ZFYVE27: variants seen among roughly 807,000 people sequenced by gnomAD.
ZFYVE27 encodes zinc finger FYVE-type containing 27.
A neutral mutation model predicts 52.8 loss-of-function variants in ZFYVE27; 36 were observed. The ratio of observed to expected loss-of-function variants is 0.68; its 90% CI spans 0.52 to 0.90. The LOEUF (loss-of-function observed/expected upper bound fraction) is 0.90. Ranked by LOEUF, ZFYVE27 falls within the 40% of genes least tolerant of loss-of-function variation. The probability of loss-of-function intolerance (pLI) is 0.00; values close to 1 mark genes in which losing one functional copy is unlikely to be tolerated. For missense variants in ZFYVE27, 450 were observed against 527.2 expected (o/e 0.85, Z 1.43); for synonymous variants, 223 against 215.6 (o/e 1.03, Z -0.30).
At chr10:97,746,044 TATA>T (rs1218496176) in intron 4 of ZFYVE27, among the ~76,000 whole-genome samples, 122 of 56,936 alleles carry the variant, frequency 2.1e-3, no homozygotes, top group Admixed American at 2.8e-3. Context: ...TATATATATA[TATA>T]TATATTTTTT....
At position 97,748,373 on chromosome 10, in the gene ZFYVE27, C is replaced by A. The variant is rs1483780304; in HGVS notation, c.551+9C>A. 1 of 1,613,008 alleles carries A rather than the reference C, an allele frequency of 6.2e-7. No homozygotes were observed. Among genetic ancestry groups the A allele is most frequent in the Non-Finnish European group, 8.5e-7 (1 of 1,179,566 alleles). On this transcript the variant is annotated intron_variant, in intron 5 of 12. Transcript: ENST00000684270. ...CCCGTCGTGTCCTCACAGTGAGTGA[C>A]CCCTCCTCTCCCGCCACCACCCTAT...
At chr10:97,756,890 A>C (rs72835983) in intron 10 of ZFYVE27, among the ~76,000 whole-genome samples, 9,233 of 152,200 alleles carry the variant, frequency 0.061, 384 homozygotes, top group Non-Finnish European at 0.089. Flanking sequence ...TTGCTCCGGA[A>C]AGGGTCATGT....
chr10:97,744,083 T>C (rs1219179138), intron 3 of ZFYVE27, among the ~76,000 whole-genome samples: 1 of 152,258 alleles, frequency 6.6e-6, no homozygotes, highest in Non-Finnish European at 1.5e-5. Context: ...GTTGGACTCA[T>C]CTTTACCTGT....
rs12264401 is a variant in ZFYVE27, at chr10:97,748,257, C to T, written c.456-12C>T. ...CTGTCCTGCCCACTCACCAAAGCCCCTGTGTCTGTAGCTTGATCCAGCTGG... is the reference window on the plus strand; with the variant it reads ...CTGTCCTGCCCACTCACCAAAGCCCTTGTGTCTGTAGCTTGATCCAGCTGG... On this transcript the variant is annotated splice_polypyrimidine_tract_variant and intron_variant, in intron 4 of 12. Transcript: ENST00000684270. 9.7e-3 allele frequency: 15,606 copies of T among 1,613,806 alleles called. 859 individuals carry two copies. The African/African-American group carries it at 0.14, about 15-fold the overall frequency.
Position 97,748,336 on chromosome 10 carries a change from C to T in ZFYVE27, c.523C>T (p.His175Tyr), listed in dbSNP as rs2046005663. 3 of 1,614,072 alleles carry T rather than the reference C, an allele frequency of 1.9e-6. No individual in the cohort carries two copies. The change falls in exon 5 of 13, where the codon CAC becomes TAC. Residue 175 changes from histidine to tyrosine, a missense_variant. Coordinates refer to ENST00000684270, the MANE Select transcript of ZFYVE27 (RefSeq NM_001385875.1). ...ATGTGAAGCCGCCTACCGCGTGCTG[C>T]ACTGGGAGAACCCCGTCGTGTCCTC... ...CTCEAAYRVLHWENPVVSSQF... is the reference protein window; with the variant it reads ...CTCEAAYRVLYWENPVVSSQF...
At chr10:97,751,935 A>G (rs1308785683) in intron 8 of ZFYVE27, among the ~76,000 whole-genome samples, 1 of 152,226 alleles carries the variant, frequency 6.6e-6, no homozygotes, top group Non-Finnish European at 1.5e-5. Flanking sequence ...TGGTAATTCA[A>G]ATTGGTAGTT....
rs960747062 is a variant in ZFYVE27 at position 97,750,409 on chromosome 10, C to T, written c.743C>T (p.Pro248Leu). Residue 248 changes from proline (P) to leucine (L), a missense_variant, in exon 7 of 13, where the codon CCA (proline) becomes CTA (leucine). Pro to Leu is a moderately conservative substitution (Grantham distance 98). Transcript: ENST00000684270. ...QEEHAFESPPPPDVGGKDGLM... is the reference protein window; with the variant it reads ...QEEHAFESPPLPDVGGKDGLM... The stretch of plus-strand genomic sequence containing the variant: ...GAGCATGCCTTTGAGAGTCCTCCAC[C>T]ACCAGATGTTGGGGGGAAGGATGGT... 6.2e-7 allele frequency: 1 copy of T among 1,614,168 alleles called. No homozygotes were observed. The highest frequency in any genetic ancestry group is 8.5e-7 in the Non-Finnish European group (1 of 1,180,030).
intron 10 of ZFYVE27, among the ~76,000 whole-genome samples, chr10:97,754,172 C>G (rs2047731064): frequency 6.6e-6 from 1 of 152,112 alleles, no homozygotes; most frequent in Non-Finnish European, 1.5e-5. Flanking sequence ...TGGAGTTTAT[C>G]TTGAGGAATT....
At chr10:97,752,986 G>C (rs1349727380) in intron 9 of ZFYVE27, 52 bp from the exon 10 acceptor site, 81 of 1,612,938 alleles carry the variant, frequency 5.0e-5, no homozygotes, top group Non-Finnish European at 5.3e-5. Context: ...CTGCACACGG[G>C]TCCTGCAGCC....
chr10:97,753,262 A>G (rs952636616), intron 10 of ZFYVE27, 80 bp downstream of exon 10: 10 of 1,535,252 alleles, frequency 6.5e-6, no homozygotes, highest in Non-Finnish European at 8.8e-6. Context: ...ACCCAGCCAC[A>G]GGGGCAGAGT....
intron 2 of ZFYVE27, 140 bp downstream of exon 2, chr10:97,738,814 C>T: frequency 1.0e-6 from 1 of 955,044 alleles, no homozygotes; most frequent in Non-Finnish European, 1.6e-6. Flanking sequence ...TCTGTTCGGC[C>T]TCTGGGTTTA....
At chr10:97,758,047 G>A (rs906767140) in intron 12 of ZFYVE27, 6 of 222,344 alleles carry the variant, frequency 2.7e-5, no homozygotes, top group East Asian at 1.9e-4. Flanking sequence ...ATCACCAGCC[G>A]CAATTTTAAT....
chr10:97,745,750 C>T lies in ZFYVE27; in HGVS notation c.455+835C>T, dbSNP rs897335255. ...TCATCACTACACTGTGGAGAAACTT[C>T]GTAAACATGACAGAGCTGGTACTTC... On this transcript the variant is annotated intron_variant, in intron 4 of 12. Transcript: ENST00000684270. 4.6e-5 allele frequency among the ~76,000 whole-genome samples: 7 copies of T among 152,146 alleles called. No individual in the cohort carries two copies. In the South Asian group the frequency reaches 8.3e-4, roughly 18 times the overall value.
At position 97,759,607 on chromosome 10, in the gene ZFYVE27, A is replaced by G. The variant is rs2049216077; in HGVS notation, c.*307A>G. On this transcript the variant is annotated 3_prime_UTR_variant, in exon 13 of 13. Coordinates refer to ENST00000684270, the MANE Select transcript of ZFYVE27 (RefSeq NM_001385875.1). ...GGGCTGGGCAGGCAGTAGCCACCAG[A>G]GGGCAGCAGCGAACTAGGCCAGGCC... 1 of 463,998 alleles carries G rather than the reference A, an allele frequency of 2.2e-6. No homozygotes were observed. The highest frequency in any genetic ancestry group is 4.0e-6 in the Non-Finnish European group (1 of 250,104). 28.7% of individuals were successfully genotyped at this position (463,998 alleles called of 1,614,324 possible). A position where few individuals can be genotyped will look rare whatever the true frequency, so the allele number is the denominator to read the frequency against.
At chr10:97,757,858 TC>T (rs1282410373) in intron 12 of ZFYVE27, 135 bp downstream of exon 12, 2 of 778,614 alleles carry the variant, frequency 2.6e-6, no homozygotes, top group Admixed American at 5.0e-5. Context: ...GTTTCCTCCA[TC>T]CCCTTTAGCA....
Position 97,749,473 on chromosome 10 carries a change from G to A in ZFYVE27, c.552-1G>A. The A allele has an allele frequency of 1.9e-6, 3 of 1,613,300 alleles. No homozygotes were observed. The highest frequency in any genetic ancestry group is 2.5e-6 in the Non-Finnish European group (3 of 1,179,264). ...TCTTGTGGTTCTTCCCTGTCATCCA[G>A]GTTCTATGGGGCTCTTCTGGGCACA... On this transcript the variant is annotated splice_acceptor_variant, in intron 5 of 12. Transcript: ENST00000684270. LOFTEE classifies it high-confidence loss of function.
At chr10:97,747,920 T>G (rs2045908045) in intron 4 of ZFYVE27, among the ~76,000 whole-genome samples, 1 of 152,214 alleles carries the variant, frequency 6.6e-6, no homozygotes, top group African/African-American at 2.4e-5. Context: ...TTCTGACAGC[T>G]GCTGTGTACC....
chr10:97,752,737 A>G, intron 8 of ZFYVE27, 120 bp from the exon 9 acceptor site: 1 of 1,153,740 alleles, frequency 8.7e-7, no homozygotes, highest in South Asian at 1.3e-5. Flanking sequence ...GGAAGTGCGC[A>G]GAGCTCAGAG....
intron 10 of ZFYVE27, 75 bp downstream of exon 10, chr10:97,753,257 G>A: frequency 6.5e-7 from 1 of 1,541,688 alleles, no homozygotes; most frequent in Non-Finnish European, 8.8e-7. Flanking sequence ...GGAACACCCA[G>A]CCACAGGGGC....
Sources: gnomAD v4.1 joint callset for allele counts (sites outside exome capture counted in the v4.1 genomes callset) on GRCh38, gnomAD v4.1.1 for gene constraint, MANE v1.5 for transcripts, NCBI Gene and HGNC (gene_info 2026-07-23, HGNC 2026-07-21) for gene names.